TRABD2B: variants seen among roughly 807,000 people sequenced by gnomAD.
TRABD2B encodes TraB domain containing 2B, also known as metalloprotease TIKI2.
A neutral mutation model predicts 40.1 loss-of-function variants in TRABD2B; 14 were observed. The ratio of observed to expected loss-of-function variants is 0.35; its 90% CI spans 0.23 to 0.55. The LOEUF (loss-of-function observed/expected upper bound fraction) is 0.55, where lower values mean the gene tolerates loss of function less well. Among genes scored for constraint, TRABD2B ranks in the 20% least tolerant of loss-of-function variants. The pLI is 0.90. For synonymous variants in TRABD2B, 263 were observed against 277.0 expected (o/e 0.95, Z 0.50); for missense variants, 541 against 648.6 (o/e 0.83, Z 1.80).
rs1376807232 is a variant in TRABD2B, at chr1:47,765,319, CA to C, written c.*582del. 1.3e-5 allele frequency: 2 copies of C among 153,318 alleles called. No homozygotes were observed. The highest frequency in any genetic ancestry group is 4.8e-5 in the African/African-American group (2 of 41,456). 9.5% of individuals were successfully genotyped at this position (153,318 alleles called of 1,614,324 possible). A position where few individuals can be genotyped will look rare whatever the true frequency, so the allele number is the denominator to read the frequency against. On this transcript the variant is annotated 3_prime_UTR_variant, in exon 7 of 7. Coordinates refer to ENST00000606738, the MANE Select transcript of TRABD2B (RefSeq NM_001194986.2). ...AGCTCTGGAGGGCCAGATAGACACT[CA>C]GGGGTTTCACAATAGCAGCATTCTC...
intron 2 of TRABD2B, among the ~76,000 whole-genome samples, chr1:47,876,883 C>T (rs1644232768): frequency 6.6e-6 from 1 of 152,204 alleles, no homozygotes; most frequent in South Asian, 2.1e-4. Context: ...CTCATCATTC[C>T]TTCAATAACA....
At chr1:47,769,764 C>T (rs1644354785) in intron 6 of TRABD2B, among the ~76,000 whole-genome samples, 1 of 152,260 alleles carries the variant, frequency 6.6e-6, no homozygotes, top group African/African-American at 2.4e-5. Flanking sequence ...GGGGAAGAGG[C>T]CCTCTGCTTG....
chr1:47,822,541 C>A (rs1476334679), intron 2 of TRABD2B, among the ~76,000 whole-genome samples: 3 of 151,572 alleles, frequency 2.0e-5, no homozygotes, highest in Admixed American at 2.0e-4. Flanking sequence ...TGACTCTGGG[C>A]CAGTCCCTTG....
At chr1:47,801,999 G>C (rs1644830207) in intron 2 of TRABD2B, among the ~76,000 whole-genome samples, 1 of 152,174 alleles carries the variant, frequency 6.6e-6, no homozygotes, top group South Asian at 2.1e-4. Flanking sequence ...TTGTAATCAA[G>C]AGCATCCTGC....
chr1:47,986,051 A>C (rs138576826), intron 2 of TRABD2B, among the ~76,000 whole-genome samples: 2 of 152,242 alleles, frequency 1.3e-5, no homozygotes, highest in African/African-American at 4.8e-5. Context: ...CAAGCAAAGA[A>C]TAAAAAGCAT....
At chr1:47,934,503 G>A (rs999961462) in intron 2 of TRABD2B, among the ~76,000 whole-genome samples, 7 of 152,254 alleles carry the variant, frequency 4.6e-5, no homozygotes, top group South Asian at 2.1e-4. Flanking sequence ...AGGGGCAGGC[G>A]GGCCCAGAGC....
intron 2 of TRABD2B, among the ~76,000 whole-genome samples, chr1:47,956,031 C>G (rs1308812487): frequency 6.6e-6 from 1 of 152,194 alleles, no homozygotes; most frequent in Non-Finnish European, 1.5e-5. Context: ...TTCCTGGATG[C>G]TATTTGCTAA....
chr1:47,915,092 C>G (rs930796015), intron 2 of TRABD2B, among the ~76,000 whole-genome samples: 1 of 152,198 alleles, frequency 6.6e-6, no homozygotes, highest in Admixed American at 6.5e-5. Flanking sequence ...CTGGTGTATT[C>G]CAAGTATTTG....
intron 2 of TRABD2B, among the ~76,000 whole-genome samples, chr1:47,873,790 T>C (rs1644178808): frequency 6.6e-6 from 1 of 152,214 alleles, no homozygotes; most frequent in Non-Finnish European, 1.5e-5. Context: ...TATTTTACTA[T>C]GTCAGAATCT....
intron 2 of TRABD2B, among the ~76,000 whole-genome samples, chr1:47,961,537 C>A (rs1645515724): frequency 6.6e-6 from 1 of 152,138 alleles, no homozygotes; most frequent in Non-Finnish European, 1.5e-5. Context: ...ACAACCCCTT[C>A]AAAAAGTGGG....
At chr1:47,869,550 C>G (rs1413940400) in intron 2 of TRABD2B, among the ~76,000 whole-genome samples, 7 of 152,192 alleles carry the variant, frequency 4.6e-5, no homozygotes. Context: ...CTCCCAGGTT[C>G]AGAGATTCAG....
chr1:47,853,147 G>A (rs2124527649), intron 2 of TRABD2B, among the ~76,000 whole-genome samples: 1 of 152,314 alleles, frequency 6.6e-6, no homozygotes, highest in Admixed American at 6.5e-5. Context: ...GTTGATGCTA[G>A]GGCCGAGGGC....
intron 2 of TRABD2B, among the ~76,000 whole-genome samples, chr1:47,956,329 A>G (rs900091667): frequency 5.9e-5 from 9 of 152,172 alleles, no homozygotes; most frequent in Non-Finnish European, 1.5e-5. Flanking sequence ...ATTTCCAACT[A>G]AGGTACTGGG....
At chr1:47,773,369 G>A (rs761444733) in intron 6 of TRABD2B, among the ~76,000 whole-genome samples, 3 of 152,254 alleles carry the variant, frequency 2.0e-5, no homozygotes, top group Non-Finnish European at 4.4e-5. Flanking sequence ...AGCCAATATA[G>A]CCACAGTAAT....
At chr1:47,794,470 C>T (rs1644717824) in intron 4 of TRABD2B, 116 bp downstream of exon 4, 1 of 1,226,252 alleles carries the variant, frequency 8.2e-7, no homozygotes, top group South Asian at 1.7e-5. Context: ...CACTGTGTGG[C>T]TTTTCCTGCC....
intron 4 of TRABD2B, among the ~76,000 whole-genome samples, chr1:47,781,646 TTC>T (rs1396390287): frequency 6.6e-6 from 1 of 152,232 alleles, no homozygotes; most frequent in Non-Finnish European, 1.5e-5. Context: ...CCAATTCCCA[TTC>T]TCTCCTTCTC....
rs559280007 is a variant in TRABD2B at position 47,969,349 on chromosome 1, C to A, written c.666+24685G>T. Among the ~76,000 whole-genome samples the A allele has an allele frequency of 3.9e-5, 6 of 152,326 alleles. No homozygotes were observed. The South Asian group carries it at 1.2e-3, about 32-fold the overall frequency. ...AAAAAGCTGGCATTCTCTAAGTTTACACTCAGCCTGTCCCCCAGGTGCCAT... is the reference window on the plus strand; with the variant it reads ...AAAAAGCTGGCATTCTCTAAGTTTAAACTCAGCCTGTCCCCCAGGTGCCAT... On this transcript the variant is annotated intron_variant, in intron 2 of 6. Coordinates refer to ENST00000606738, the MANE Select transcript of TRABD2B (RefSeq NM_001194986.2).
chr1:47,896,012 G>A (rs1451876160), intron 2 of TRABD2B, among the ~76,000 whole-genome samples: 1 of 152,238 alleles, frequency 6.6e-6, no homozygotes, highest in Non-Finnish European at 1.5e-5. Flanking sequence ...GGGGCATGGT[G>A]CCCAGCACTG....
intron 2 of TRABD2B, among the ~76,000 whole-genome samples, chr1:47,883,675 C>T (rs1175098296): frequency 6.6e-6 from 1 of 151,850 alleles, no homozygotes; most frequent in Non-Finnish European, 1.5e-5. Flanking sequence ...GTACTGTCTT[C>T]ACCAAAACAC....
Sources: gnomAD v4.1 joint callset for allele counts (sites outside exome capture counted in the v4.1 genomes callset) on GRCh38, gnomAD v4.1.1 for gene constraint, MANE v1.5 for transcripts, NCBI Gene and HGNC (gene_info 2026-07-23, HGNC 2026-07-21) for gene names.